BLTP3B: variants seen among roughly 807,000 people sequenced by gnomAD.
The protein encoded by BLTP3B is bridge-like lipid transfer protein family member 3B.
At chr12:100,114,378 A>C in the BLTP3B span, among the ~76,000 whole-genome samples, 2 of 152,218 alleles carry the variant, frequency 1.3e-5, no homozygotes, top group African/African-American at 4.8e-5. Flanking sequence ...ACACATAGCC[A>C]CAACGTTTAG....
At chr12:100,088,564 T>C in the BLTP3B span, among the ~76,000 whole-genome samples, 5 of 152,230 alleles carry the variant, frequency 3.3e-5, no homozygotes, top group African/African-American at 1.2e-4. Flanking sequence ...AAGTATGGAC[T>C]AAAATTTAAT....
chr12:100,097,401 G>A, the BLTP3B span: 1 of 1,612,776 alleles, frequency 6.2e-7, no homozygotes, highest in South Asian at 1.1e-5. Context: ...TTGATTGGTT[G>A]GTTATTAATC....
At chr12:100,061,953 T>A in the BLTP3B span, among the ~76,000 whole-genome samples, 1 of 152,202 alleles carries the variant, frequency 6.6e-6, no homozygotes, top group African/African-American at 2.4e-5. Context: ...AGCTAAAGCC[T>A]TTAAACAGAC....
chr12:100,064,429 C>CA, the BLTP3B span, among the ~76,000 whole-genome samples: 1 of 152,108 alleles, frequency 6.6e-6, no homozygotes, highest in African/African-American at 2.4e-5. Context: ...ACACAAGAAG[C>CA]ACAAAGAACA....
the BLTP3B span, chr12:100,089,224 T>A: frequency 2.2e-5 from 17 of 769,852 alleles, 1 homozygote; most frequent in African/African-American, 2.6e-4. Flanking sequence ...ATCAATAATA[T>A]ATTTTCCCTA....
chr12:100,140,800 G>T, the BLTP3B span, among the ~76,000 whole-genome samples: 4 of 144,182 alleles, frequency 2.8e-5, no homozygotes, highest in South Asian at 4.4e-4. Context: ...TCAATATATG[G>T]GTGTTTTCTA....
chr12:100,129,966 C>T, the BLTP3B span, among the ~76,000 whole-genome samples: 2 of 151,986 alleles, frequency 1.3e-5, no homozygotes, highest in Non-Finnish European at 2.9e-5. Flanking sequence ...CCTTTTTCTT[C>T]CCCCCCTTGG....
the BLTP3B span, chr12:100,037,644 C>T: frequency 1.2e-6 from 2 of 1,608,178 alleles, no homozygotes; most frequent in Admixed American, 3.4e-5. Flanking sequence ...TGCTATTCAA[C>T]TGTCATCTTC....
At chr12:100,097,940 T>G in the BLTP3B span, among the ~76,000 whole-genome samples, 1 of 152,074 alleles carries the variant, frequency 6.6e-6, no homozygotes, top group African/African-American at 2.4e-5. Context: ...GAGAGCTGGG[T>G]GCAATGGTTC....
At chr12:100,038,958 A>G in the BLTP3B span, among the ~76,000 whole-genome samples, 1 of 152,194 alleles carries the variant, frequency 6.6e-6, no homozygotes, top group Non-Finnish European at 1.5e-5. Flanking sequence ...CATCTGACAC[A>G]GTACGTTGTG....
the BLTP3B span, among the ~76,000 whole-genome samples, chr12:100,129,313 T>G: frequency 6.6e-6 from 1 of 152,178 alleles, no homozygotes; most frequent in African/African-American, 2.4e-5. Flanking sequence ...ATCTAAATTT[T>G]CCGGATATGA....
At chr12:100,083,030 A>C in the BLTP3B span, 1 of 1,613,038 alleles carries the variant, frequency 6.2e-7, no homozygotes. Context: ...TATATATTGA[A>C]ATCTGCAAGT....
the BLTP3B span, chr12:100,108,347 C>A: frequency 2.5e-6 from 4 of 1,581,080 alleles, no homozygotes; most frequent in South Asian, 3.6e-5. Flanking sequence ...ACATGAAAGG[C>A]CTTCCACAAA....
chr12:100,104,023 G>T, the BLTP3B span: 1 of 1,150,534 alleles, frequency 8.7e-7, no homozygotes, highest in Non-Finnish European at 1.3e-6. Flanking sequence ...ATCAATACAG[G>T]TGTTATATTA....
the BLTP3B span, chr12:100,102,699 GCT>G: frequency 6.9e-6 from 6 of 871,376 alleles, no homozygotes; most frequent in South Asian, 3.4e-5. Flanking sequence ...TGAGGTTAAG[GCT>G]TTTTTTTTTT....
chr12:100,073,010 T>C, the BLTP3B span, among the ~76,000 whole-genome samples: 8 of 152,326 alleles, frequency 5.3e-5, no homozygotes, highest in African/African-American at 1.7e-4. Context: ...AACTCTATAA[T>C]CTTTTTGGAT....
the BLTP3B span, among the ~76,000 whole-genome samples, chr12:100,130,633 G>C: frequency 6.6e-6 from 1 of 151,954 alleles, no homozygotes; most frequent in South Asian, 2.1e-4. Context: ...TAACAAGTTG[G>C]GGCTGGGCGC....
chr12:100,110,617 T>C, the BLTP3B span, among the ~76,000 whole-genome samples: 1 of 152,012 alleles, frequency 6.6e-6, no homozygotes, highest in South Asian at 2.1e-4. Flanking sequence ...ATGGCACAAC[T>C]AAGAGAGAAT....
the BLTP3B span, chr12:100,142,767 A>C: frequency 7.3e-7 from 1 of 1,367,514 alleles, no homozygotes; most frequent in Non-Finnish European, 9.7e-7. Flanking sequence ...GGAGAGACCC[A>C]AGGCCCCGGC....
Sources: allele counts gnomAD v4.1 joint callset (sites outside exome capture counted in the v4.1 genomes callset), GRCh38; gene constraint gnomAD v4.1.1; transcripts MANE v1.5; gene names NCBI Gene and HGNC (gene_info 2026-07-23, HGNC 2026-07-21).